ARMH4: variants seen among roughly 807,000 people sequenced by gnomAD.
ARMH4 encodes the protein armadillo-like helical domain-containing protein 4.
A neutral mutation model predicts 61.9 loss-of-function variants in ARMH4; 49 were observed. That is an observed-to-expected ratio of 0.79 (90% CI 0.63 to 1.00). The LOEUF (loss-of-function observed/expected upper bound fraction) is 1.00. Among genes scored for constraint, ARMH4 ranks in the 50% least tolerant of loss-of-function variants. The pLI is 0.00. For synonymous variants in ARMH4, 368 were observed against 341.5 expected (o/e 1.08, Z -0.85); for missense variants, 934 against 930.0 (o/e 1.00, Z -0.06).
intron 5 of ARMH4, among the ~76,000 whole-genome samples, chr14:58,062,980 T>C (rs1187977031): frequency 2.0e-5 from 3 of 152,232 alleles, no homozygotes; most frequent in Non-Finnish European, 2.9e-5. Flanking sequence ...ACCCTCAATG[T>C]GGCTTAAACA....
At chr14:58,008,965 G>A (rs1401895361) in intron 6 of ARMH4, among the ~76,000 whole-genome samples, 1 of 152,196 alleles carries the variant, frequency 6.6e-6, no homozygotes, top group African/African-American at 2.4e-5. Context: ...CAGTTTAGAT[G>A]CTGAGAAGAT....
intron 5 of ARMH4, among the ~76,000 whole-genome samples, chr14:58,050,461 T>C (rs1438345768): frequency 3.9e-5 from 6 of 152,194 alleles, no homozygotes; most frequent in Non-Finnish European, 8.8e-5. Flanking sequence ...CAATCACCCA[T>C]GTGAGTGACT....
chr14:58,017,593 C>A lies in ARMH4; in HGVS notation c.2090-5443G>T, dbSNP rs138189201. ...TAATCAAGGAGGTGAAAGACTTCTTCACTAAAATCTATAAAACATTGATGA... is the reference window on the plus strand; with the variant it reads ...TAATCAAGGAGGTGAAAGACTTCTTAACTAAAATCTATAAAACATTGATGA... On this transcript the variant is annotated intron_variant, in intron 5 of 7. Coordinates refer to ENST00000267485, the MANE Select transcript of ARMH4 (RefSeq NM_001001872.4). 1.2e-3 allele frequency among the ~76,000 whole-genome samples: 181 copies of A among 152,176 alleles called. 4 individuals carry two copies. The highest frequency in any genetic ancestry group is 0.011 in the East Asian group (56 of 5,174).
At chr14:58,053,613 C>T (rs926518978) in intron 5 of ARMH4, among the ~76,000 whole-genome samples, 3 of 152,184 alleles carry the variant, frequency 2.0e-5, no homozygotes, top group Non-Finnish European at 2.9e-5. Flanking sequence ...CTCTAGCCAC[C>T]TAATATCCTT....
intron 6 of ARMH4, among the ~76,000 whole-genome samples, chr14:58,006,478 A>G (rs1882173366): frequency 6.6e-6 from 1 of 152,132 alleles, no homozygotes; most frequent in Non-Finnish European, 1.5e-5. Context: ...TCCAAAGAAT[A>G]CATCAGAGTT....
At chr14:58,017,128 C>A (rs1882642150) in intron 5 of ARMH4, among the ~76,000 whole-genome samples, 1 of 152,116 alleles carries the variant, frequency 6.6e-6, no homozygotes, top group African/African-American at 2.4e-5. Flanking sequence ...CCAGCCTGGG[C>A]AACATAGCAA....
intron 5 of ARMH4, among the ~76,000 whole-genome samples, chr14:58,031,518 C>T (rs1883229174): frequency 6.6e-6 from 1 of 152,168 alleles, no homozygotes; most frequent in African/African-American, 2.4e-5. Context: ...ACTAAGAGAG[C>T]CTGACCAAGT....
chr14:58,038,535 T>C (rs1883564901), intron 5 of ARMH4, among the ~76,000 whole-genome samples: 1 of 109,670 alleles, frequency 9.1e-6, no homozygotes, highest in South Asian at 2.9e-4. Flanking sequence ...ACATGTACCC[T>C]AAAATTTAAA....
At chr14:58,068,065 G>T (rs1811463062) in intron 5 of ARMH4, among the ~76,000 whole-genome samples, 2 of 152,168 alleles carry the variant, frequency 1.3e-5, no homozygotes, top group Admixed American at 1.3e-4. Context: ...GGTGCTAGGG[G>T]ATTAAGAGGA....
chr14:58,149,585 C>T (rs1887857539), intron 1 of ARMH4, among the ~76,000 whole-genome samples: 1 of 152,178 alleles, frequency 6.6e-6, no homozygotes, highest in Non-Finnish European at 1.5e-5. Context: ...GCTTCAGTCT[C>T]TACAAATTAG....
chr14:58,096,399 A>G lies in ARMH4; in HGVS notation c.2089+325T>C, dbSNP rs373365160. ...TCCTAAAGCCTACAACTGTCTCCCA[A>G]CTGGGAAGGAAAAACTGAATTTCTT... On this transcript the variant is annotated intron_variant, in intron 5 of 7. Coordinates refer to ENST00000267485, the MANE Select transcript of ARMH4 (RefSeq NM_001001872.4). 7.1e-4 allele frequency among the ~76,000 whole-genome samples: 108 copies of G among 152,316 alleles called. No individual in the cohort carries two copies. In the South Asian group the frequency reaches 0.018, roughly 26 times the overall value.
intron 5 of ARMH4, among the ~76,000 whole-genome samples, chr14:58,036,802 T>C (rs951398239): frequency 1.2e-4 from 15 of 123,070 alleles, no homozygotes; most frequent in South Asian, 8.0e-4. Context: ...CCATTCACAA[T>C]TGCTTCAAAG....
intron 5 of ARMH4, among the ~76,000 whole-genome samples, chr14:58,031,385 C>T (rs551746973): frequency 1.4e-4 from 22 of 152,264 alleles, no homozygotes; most frequent in Non-Finnish European, 2.2e-4. Flanking sequence ...AAGTTTGTTA[C>T]GAAGAGGCAG....
At position 58,041,669 on chromosome 14, in the gene ARMH4, G is replaced by A. The variant is rs1475487519; in HGVS notation, c.2090-29519C>T. On this transcript the variant is annotated intron_variant, in intron 5 of 7. Coordinates refer to ENST00000267485, the MANE Select transcript of ARMH4 (RefSeq NM_001001872.4). ...ACTGGCAAATTGGATAAAGAGTCAA[G>A]ACCCATCAGTGTGCTGTATTCAGGA... is the stretch of plus-strand genomic sequence containing the variant. Among the ~76,000 whole-genome samples the A allele has an allele frequency of 3.9e-5, 6 of 152,180 alleles. No individual in the cohort carries two copies. The East Asian group carries it at 1.2e-3, about 29-fold the overall frequency.
At chr14:58,145,102 T>C (rs17094376) in intron 1 of ARMH4, among the ~76,000 whole-genome samples, 2 of 152,204 alleles carry the variant, frequency 1.3e-5, no homozygotes, top group Admixed American at 6.5e-5. Flanking sequence ...ACGTGTGGCC[T>C]AAAACCTTGG....
intron 4 of ARMH4, among the ~76,000 whole-genome samples, chr14:58,127,865 G>A (rs1169282808): frequency 3.3e-5 from 5 of 152,072 alleles, no homozygotes; most frequent in Non-Finnish European, 7.4e-5. Context: ...TGCGGGGGGT[G>A]GGAGGGAGGA....
At chr14:58,022,377 A>C (rs1882869861) in intron 5 of ARMH4, among the ~76,000 whole-genome samples, 1 of 152,220 alleles carries the variant, frequency 6.6e-6, no homozygotes, top group Non-Finnish European at 1.5e-5. Flanking sequence ...ACAACTGCTA[A>C]GTAGCTCTTG....
chr14:58,018,556 T>A (rs1469063999), intron 5 of ARMH4, among the ~76,000 whole-genome samples: 1 of 151,560 alleles, frequency 6.6e-6, no homozygotes, highest in Admixed American at 6.6e-5. Context: ...GAAAAGCAAA[T>A]TAAATGTACA....
In ARMH4 at chr14:58,002,282, T is replaced by G. The variant is rs982897280; in HGVS notation, c.*2454A>C. ...GCAAGGAAAATGGCCAAAATAAACATGTCATTTGTACCATCCACCGACCTT... is the reference window on the plus strand; with the variant it reads ...GCAAGGAAAATGGCCAAAATAAACAGGTCATTTGTACCATCCACCGACCTT... On this transcript the variant is annotated 3_prime_UTR_variant, in exon 8 of 8. Transcript: ENST00000267485. 4 of 152,144 alleles carry G rather than the reference T, an allele frequency of 2.6e-5. No homozygotes were observed. The highest frequency in any genetic ancestry group is 9.7e-5 in the African/African-American group (4 of 41,424). 9.4% of individuals were successfully genotyped at this position (152,144 alleles called of 1,614,324 possible). A position where few individuals can be genotyped will look rare whatever the true frequency, so the allele number is the denominator to read the frequency against.
Sources: allele counts gnomAD v4.1 joint callset (sites outside exome capture counted in the v4.1 genomes callset), GRCh38; gene constraint gnomAD v4.1.1; transcripts MANE v1.5; gene names NCBI Gene and HGNC (gene_info 2026-07-23, HGNC 2026-07-21).